Variants in MID1 observed in about 807,000 individuals in gnomAD.
MID1 encodes the protein E3 ubiquitin-protein ligase Midline-1.
Under a neutral mutation model 40.4 loss-of-function variants are expected in MID1, and 7 were observed. That is an observed-to-expected ratio of 0.17 (90% confidence interval 0.10 to 0.33). The LOEUF (loss-of-function observed/expected upper bound fraction) is 0.33. Among genes scored for constraint, MID1 ranks in the 10% least tolerant of loss-of-function variants. The pLI is 1.00. For synonymous variants in MID1, 229 were observed against 221.2 expected, an observed-to-expected ratio of 1.04 and a Z score of -0.31; for missense variants, 367 against 558.5, an observed-to-expected ratio of 0.66 and a Z score of 3.46.
intron 1 of MID1, among the ~76,000 whole-genome samples, chrX:10,568,273 C>T (rs924063765): frequency 8.9e-6 from 1 of 111,809 alleles, no homozygotes; most frequent in Non-Finnish European, 1.9e-5. Flanking sequence ...GGCATGTGTT[C>T]ATTATGTTTC....
In MID1 at chrX:10,723,024, A is replaced by G. The variant is rs188163097; in HGVS notation, c.-186-102605T>C. On this transcript the variant is annotated intron_variant, in intron 1 of 10. Transcript: ENST00000380785. ...CCAGTGAGTTTTCTACTGGGCCTGAAGTAATTTTAGGTGCTGGTGGAGGGA... is the reference window on the plus strand; with the variant it reads ...CCAGTGAGTTTTCTACTGGGCCTGAGGTAATTTTAGGTGCTGGTGGAGGGA... 7.7e-4 allele frequency among the ~76,000 whole-genome samples: 85 copies of G among 110,860 alleles called. 1 individual carries two copies. The highest frequency in any genetic ancestry group is 2.7e-3 in the African/African-American group (81 of 30,468).
intron 5 of MID1, among the ~76,000 whole-genome samples, chrX:10,476,988 T>A (rs2147291005): frequency 8.9e-6 from 1 of 112,621 alleles, no homozygotes; most frequent in South Asian, 3.7e-4. Flanking sequence ...AACAAATATT[T>A]ATGAAGCCCT....
At chrX:10,627,310 T>C (rs1289038704) in intron 1 of MID1, among the ~76,000 whole-genome samples, 5 of 111,579 alleles carry the variant, frequency 4.5e-5, no homozygotes, top group Non-Finnish European at 9.4e-5. Context: ...GATCACGTCA[T>C]ACACATATGA....
chrX:10,824,873 A>G (rs963676341), intron 1 of MID1, among the ~76,000 whole-genome samples: 5 of 111,135 alleles, frequency 4.5e-5, no homozygotes, highest in African/African-American at 1.6e-4. Context: ...TTAAATATGC[A>G]CACTGAGAAG....
chrX:10,547,226 G>A (rs894983399), intron 2 of MID1, among the ~76,000 whole-genome samples: 3 of 111,229 alleles, frequency 2.7e-5, no homozygotes, highest in African/African-American at 9.8e-5. Flanking sequence ...AGTGAGCCAT[G>A]ATTGCACTAC....
intron 1 of MID1, among the ~76,000 whole-genome samples, chrX:10,744,305 A>G (rs965273396): frequency 6.2e-5 from 7 of 112,322 alleles, no homozygotes; most frequent in African/African-American, 1.9e-4. Flanking sequence ...GGGAAAAGGC[A>G]TGCTTTGTGT....
intron 8 of MID1, among the ~76,000 whole-genome samples, chrX:10,457,307 C>A (rs899126181): frequency 5.4e-5 from 6 of 111,566 alleles, no homozygotes; most frequent in African/African-American, 2.0e-4. Context: ...CCCTCACCCA[C>A]GCATGTGTGG....
intron 2 of MID1, among the ~76,000 whole-genome samples, chrX:10,556,031 C>T (rs1184601328): frequency 9.2e-6 from 1 of 109,229 alleles, no homozygotes. Flanking sequence ...AGAGAGACAG[C>T]TGCTAACACA....
chrX:10,590,521 G>C (rs971954427), intron 1 of MID1, among the ~76,000 whole-genome samples: 2 of 111,157 alleles, frequency 1.8e-5, no homozygotes, highest in South Asian at 3.8e-4. Context: ...CTGAGGGTGA[G>C]TTATTCCCAG....
chrX:10,562,446 T>A (rs1478080343), intron 2 of MID1, among the ~76,000 whole-genome samples: 1 of 103,774 alleles, frequency 9.6e-6, no homozygotes, highest in Non-Finnish European at 1.9e-5. Context: ...AGTCATTAAT[T>A]GATTACACAG....
At chrX:10,449,786 G>A in intron 9 of MID1, 70 bp from the exon 10 acceptor site, 1 of 747,410 alleles carries the variant, frequency 1.3e-6, no homozygotes, top group Non-Finnish European at 2.1e-6. Flanking sequence ...TCCGTTCTGT[G>A]GTCCTCAGGG....
At chrX:10,536,721 G>A (rs1006749003) in intron 2 of MID1, among the ~76,000 whole-genome samples, 11 of 112,148 alleles carry the variant, frequency 9.8e-5, no homozygotes, top group South Asian at 3.7e-4. Context: ...CTGGGGAGCC[G>A]GTTAAAAATA....
chrX:10,487,914 T>A (rs1930708242), intron 4 of MID1, among the ~76,000 whole-genome samples: 1 of 110,868 alleles, frequency 9.0e-6, no homozygotes, highest in Admixed American at 9.7e-5. Context: ...CATCTGTTGA[T>A]GGACTTTGGG....
intron 1 of MID1, among the ~76,000 whole-genome samples, chrX:10,774,648 T>A (rs1306600408): frequency 9.0e-6 from 1 of 111,398 alleles, no homozygotes; most frequent in Admixed American, 9.6e-5. Context: ...CAAGTAACAA[T>A]AAAATTAGCC....
At chrX:10,585,011 C>T (rs1935107692) in intron 1 of MID1, among the ~76,000 whole-genome samples, 2 of 110,855 alleles carry the variant, frequency 1.8e-5, no homozygotes, top group Non-Finnish European at 3.8e-5. Context: ...ACAGGGGCTT[C>T]ATGCACCGGT....
At chrX:10,753,386 A>C (rs927957302) in intron 1 of MID1, among the ~76,000 whole-genome samples, 1 of 111,478 alleles carries the variant, frequency 9.0e-6, no homozygotes, top group Non-Finnish European at 1.9e-5. Flanking sequence ...TGGAAAAAAA[A>C]AATGAGTAGC....
At chrX:10,631,742 A>G (rs1936054886) in intron 1 of MID1, among the ~76,000 whole-genome samples, 1 of 111,865 alleles carries the variant, frequency 8.9e-6, no homozygotes, top group South Asian at 3.7e-4. Context: ...TTGCTGAGAA[A>G]ATCAGAACAA....
chrX:10,750,824 G>T (rs2043593200), intron 1 of MID1, among the ~76,000 whole-genome samples: 1 of 110,144 alleles, frequency 9.1e-6, no homozygotes, highest in Admixed American at 9.7e-5. Flanking sequence ...CAAGACAGCT[G>T]ATGAGGTGTG....
At chrX:10,506,687 T>C (rs1467997072) in intron 3 of MID1, among the ~76,000 whole-genome samples, 1 of 111,463 alleles carries the variant, frequency 9.0e-6, no homozygotes, top group Non-Finnish European at 1.9e-5. Context: ...GCTCTTACAC[T>C]AGAGGAGACT....
Sources: allele counts gnomAD v4.1 joint callset (sites outside exome capture counted in the v4.1 genomes callset), GRCh38; gene constraint gnomAD v4.1.1; transcripts MANE v1.5; gene names NCBI Gene and HGNC (gene_info 2026-07-23, HGNC 2026-07-21).